RBL1: variants seen among roughly 807,000 people sequenced by gnomAD.
The protein encoded by RBL1 is retinoblastoma-like protein 1.
RBL1 carries 82 observed loss-of-function variants against 123.0 expected under a neutral mutation model. That is an observed-to-expected ratio of 0.67 (90% CI 0.56 to 0.80). The LOEUF (loss-of-function observed/expected upper bound fraction) is 0.80, where lower values mean the gene tolerates loss of function less well. RBL1 is among the 30% of genes least tolerant of loss of function. RBL1 has a pLI of 0.00. For missense variants in RBL1, 1,171 were observed against 1,299.6 expected, an observed-to-expected ratio of 0.90 and a Z score of 1.52; for synonymous variants, 405 against 441.3, an observed-to-expected ratio of 0.92 and a Z score of 1.03.
At position 37,042,905 on chromosome 20, in the gene RBL1, TC is replaced by T. The variant is rs1382570962; in HGVS notation, c.1770+1180del. Among the ~76,000 whole-genome samples the T allele has an allele frequency of 1.9e-4, 13 of 67,198 alleles. 1 individual carries two copies. The highest frequency in any genetic ancestry group is 9.0e-4 in the African/African-American group (13 of 14,426). The allele number at this position is 67,198 out of a possible 152,430, so 44.1% of individuals were successfully genotyped here. A position where few individuals can be genotyped will look rare whatever the true frequency, so the allele number is the denominator to read the frequency against. On this transcript the variant is annotated intron_variant, in intron 13 of 21. Transcript: ENST00000373664. ...CAGAGTGAGATCTTGTCCCCCCCCC[TC>T]CAAAAAAAAAAAAAAAAAAGTCAAA... is the stretch of plus-strand genomic sequence containing the variant.
At chr20:37,038,698 G>A (rs1191631900) in intron 14 of RBL1, among the ~76,000 whole-genome samples, 8 of 150,014 alleles carry the variant, frequency 5.3e-5, no homozygotes, top group Non-Finnish European at 1.2e-4. Flanking sequence ...TGCCTCCCGG[G>A]TTCAAGTGAT....
intron 20 of RBL1, among the ~76,000 whole-genome samples, chr20:37,006,782 GT>G (rs1487580096): frequency 6.8e-6 from 1 of 146,732 alleles, no homozygotes. Context: ...AGAGGTTGCA[GT>G]TGAGCTGAGA....
rs546140522 is a variant in RBL1, at chr20:37,032,636, T to C, written c.2382+29A>G. On this transcript the variant is annotated intron_variant, in intron 16 of 21. Transcript: ENST00000373664. ...ATCTTTCTTCCATTGATTAAACAAATTCTTCTAAAGTGCTATAAAAACACA... is the reference window on the plus strand; with the variant it reads ...ATCTTTCTTCCATTGATTAAACAAACTCTTCTAAAGTGCTATAAAAACACA... The C allele has an allele frequency of 1.3e-5, 21 of 1,607,490 alleles. No individual in the cohort carries two copies. In the South Asian group the frequency reaches 2.1e-4, roughly 16 times the overall value.
chr20:37,007,266 T>C (rs1403783930), intron 20 of RBL1, 145 bp downstream of exon 20: 6 of 834,452 alleles, frequency 7.2e-6, no homozygotes, highest in Admixed American at 5.7e-5. Flanking sequence ...TGTTGTACCA[T>C]AGCCTTAATC....
In RBL1 at chr20:36,996,533, C is replaced by G. The variant is rs560293932; in HGVS notation, c.*2226G>C. Reference sequence around the variant, plus strand: ...ACAGCTCACTGCAGCCTCAGAATCTCCCAGTCTCAAGTGATCCTCTCATGT... The same window carrying G: ...ACAGCTCACTGCAGCCTCAGAATCTGCCAGTCTCAAGTGATCCTCTCATGT... On this transcript the variant is annotated 3_prime_UTR_variant, in exon 22 of 22. Coordinates refer to ENST00000373664, the MANE Select transcript of RBL1 (RefSeq NM_002895.5). 2 of 152,362 alleles carry G rather than the reference C, an allele frequency of 1.3e-5. No individual in the cohort carries two copies. The highest frequency in any genetic ancestry group is 2.9e-5 in the Non-Finnish European group (2 of 68,072). The allele number at this position is 152,362 out of a possible 1,614,324, so 9.4% of individuals were successfully genotyped here. A position where few individuals can be genotyped will look rare whatever the true frequency, so the allele number is the denominator to read the frequency against.
rs1168350319 is a variant in RBL1 at position 37,035,359 on chromosome 20, G to A, written c.2053C>T (p.Pro685Ser). The change falls in exon 15 of 22, where the codon CCT becomes TCT. Residue 685 changes from proline to serine, a missense_variant. Transcript: ENST00000373664. ...ITEGTKLKIA[P>S]SSSITAENVS... is the part of the protein sequence containing the mutation. ...TTTTCAGCAGTAATGCTTGAAGAAG[G>A]AGCGATTTTCAATTTTGTTCCTTCT... 6.2e-7 allele frequency: 1 copy of A among 1,614,130 alleles called. No individual in the cohort carries two copies. The highest frequency in any genetic ancestry group is 1.3e-5 in the African/African-American group (1 of 75,030).
intron 16 of RBL1, among the ~76,000 whole-genome samples, chr20:37,027,724 A>C (rs2064449013): frequency 6.6e-6 from 1 of 152,222 alleles, no homozygotes; most frequent in Non-Finnish European, 1.5e-5. Context: ...GTCATATGCT[A>C]ATTTAAAGGG....
At position 37,056,262 on chromosome 20, in the gene RBL1, C is replaced by T. The variant is rs374489704; in HGVS notation, c.1251-4G>A. The T allele has an allele frequency of 5.8e-6, 9 of 1,539,256 alleles. No individual in the cohort carries two copies. Among genetic ancestry groups the T allele is most frequent in the Middle Eastern group, 1.9e-4 (1 of 5,378 alleles). On this transcript the variant is annotated splice_polypyrimidine_tract_variant and splice_region_variant and intron_variant, in intron 9 of 21. Coordinates refer to ENST00000373664, the MANE Select transcript of RBL1 (RefSeq NM_002895.5). ...CACAGGATTACGCACACAAGATCTA[C>T]AAAATACAAGAGGAACCAATTACCA...
intron 7 of RBL1, among the ~76,000 whole-genome samples, chr20:37,064,937 T>G (rs1355135063): frequency 1.3e-5 from 2 of 151,582 alleles, no homozygotes; most frequent in Admixed American, 1.3e-4. Flanking sequence ...CTTTCTTTTT[T>G]TTTTTTTTTT....
rs187110355 is a variant in RBL1, at chr20:37,091,596, G to A, written c.157-2474C>T. ...TGGGAGGATCATTTGAGTCCAGAAG[G>A]TTAAGGCTGCAGTGAGCTGTGACTG... On this transcript the variant is annotated intron_variant, in intron 1 of 21. Transcript: ENST00000373664. Among the ~76,000 whole-genome samples, 69 of 150,020 alleles carry A rather than the reference G, an allele frequency of 4.6e-4. 1 individual carries two copies. In the South Asian group the frequency reaches 6.9e-3, roughly 15 times the overall value.
At chr20:37,054,134 T>C (rs2146282785) in intron 11 of RBL1, among the ~76,000 whole-genome samples, 1 of 152,264 alleles carries the variant, frequency 6.6e-6, no homozygotes, top group South Asian at 2.1e-4. Flanking sequence ...GGATAAAGGA[T>C]GTGTGGGACT....
chr20:37,074,021 G>A (rs2065323558), intron 2 of RBL1, among the ~76,000 whole-genome samples: 1 of 151,974 alleles, frequency 6.6e-6, no homozygotes, highest in Admixed American at 6.6e-5. Flanking sequence ...TGAGGCAGGA[G>A]AATGGCGTGA....
In RBL1 at chr20:37,095,182, A is replaced by T. The variant is rs575682984; in HGVS notation, c.156+591T>A. 2.0e-5 allele frequency among the ~76,000 whole-genome samples: 3 copies of T among 152,338 alleles called. No homozygotes were observed. In the South Asian group the frequency reaches 6.2e-4, roughly 32 times the overall value. On this transcript the variant is annotated intron_variant, in intron 1 of 21. Transcript: ENST00000373664. The stretch of plus-strand genomic sequence containing the variant: ...GAGGAGGAAACGTAGGGCTGAGATC[A>T]GCTTCGTGTGCACATTGGCTTTGAT...
intron 21 of RBL1, among the ~76,000 whole-genome samples, chr20:37,002,984 A>C (rs1471922959): frequency 6.6e-6 from 1 of 152,170 alleles, no homozygotes; most frequent in Non-Finnish European, 1.5e-5. Flanking sequence ...TTGGCCTCCC[A>C]AAGTGCTAGG....
At chr20:37,073,664 C>A (rs2065316059) in intron 2 of RBL1, among the ~76,000 whole-genome samples, 1 of 142,078 alleles carries the variant, frequency 7.0e-6, no homozygotes, top group Non-Finnish European at 1.5e-5. Context: ...CATCACTGAA[C>A]TCCAGTCTGG....
At chr20:37,092,919 C>T (rs1225822084) in intron 1 of RBL1, among the ~76,000 whole-genome samples, 1 of 151,950 alleles carries the variant, frequency 6.6e-6, no homozygotes, top group Non-Finnish European at 1.5e-5. Flanking sequence ...CCATTTTTTG[C>T]ATTTCTAAGG....
At chr20:37,092,210 G>A (rs1192152943) in intron 1 of RBL1, among the ~76,000 whole-genome samples, 3 of 152,102 alleles carry the variant, frequency 2.0e-5, no homozygotes, top group African/African-American at 7.2e-5. Context: ...AGTTGTTTGG[G>A]ATTAGCATCC....
At chr20:37,064,513 G>A (rs953722451) in intron 7 of RBL1, among the ~76,000 whole-genome samples, 1 of 152,160 alleles carries the variant, frequency 6.6e-6, no homozygotes, top group African/African-American at 2.4e-5. Flanking sequence ...GGAGGCTATG[G>A]TGAGAGGATT....
At chr20:37,028,097 G>A (rs187868180) in intron 16 of RBL1, among the ~76,000 whole-genome samples, 1 of 152,256 alleles carries the variant, frequency 6.6e-6, no homozygotes, top group African/African-American at 2.4e-5. Flanking sequence ...GGGCATGGTG[G>A]CGCATGCCTG....
Sources: allele counts gnomAD v4.1 joint callset (sites outside exome capture counted in the v4.1 genomes callset), GRCh38; gene constraint gnomAD v4.1.1; transcripts MANE v1.5; gene names NCBI Gene and HGNC (gene_info 2026-07-23, HGNC 2026-07-21).